The following NREP variants were observed in gnomAD, a reference collection of about 807,000 sequenced individuals.
NREP encodes the protein neuronal regeneration-related protein.
A neutral mutation model predicts 8.6 loss-of-function variants in NREP; 5 were observed. The observed-to-expected ratio is 0.58, with a 90% CI of 0.30 to 1.22. The LOEUF (loss-of-function observed/expected upper bound fraction) is 1.22, where lower values mean the gene tolerates loss of function less well. Ranked by LOEUF, NREP falls within the 50% of genes most tolerant of loss-of-function variation. NREP has a pLI of 0.07. For missense variants in NREP, 86 were observed against 82.5 expected (o/e 1.04, Z -0.17); for synonymous variants, 27 against 28.0 (o/e 0.96, Z 0.11).
chr5:111,888,464 T>C (rs993051337), intron 2 of NREP, among the ~76,000 whole-genome samples: 1 of 151,986 alleles, frequency 6.6e-6, no homozygotes, highest in Non-Finnish European at 1.5e-5. Flanking sequence ...TATAAAACCA[T>C]CAGATCTCAT....
At chr5:111,852,281 T>C (rs1753329097) in intron 2 of NREP, among the ~76,000 whole-genome samples, 1 of 54,202 alleles carries the variant, frequency 1.8e-5, no homozygotes, top group African/African-American at 3.5e-5. Flanking sequence ...GTATAGTCTA[T>C]TTTTTTGTAT....
chr5:111,941,092 C>A (rs1486298558), intron 2 of NREP, among the ~76,000 whole-genome samples: 1 of 151,968 alleles, frequency 6.6e-6, no homozygotes, highest in Non-Finnish European at 1.5e-5. Context: ...ACTATGGGAT[C>A]CCAGAAATCT....
chr5:111,926,618 C>T (rs915238623), intron 2 of NREP, among the ~76,000 whole-genome samples: 9 of 152,044 alleles, frequency 5.9e-5, no homozygotes, highest in African/African-American at 9.7e-5. Flanking sequence ...GCCACTTTTT[C>T]TTCAGAGTCT....
chr5:111,786,189 T>C (rs1375913929), intron 2 of NREP, among the ~76,000 whole-genome samples: 1 of 152,196 alleles, frequency 6.6e-6, no homozygotes, highest in Non-Finnish European at 1.5e-5. Flanking sequence ...CAAGATCCAA[T>C]GGTTTTATAA....
intron 2 of NREP, among the ~76,000 whole-genome samples, chr5:111,827,100 T>C (rs974649282): frequency 6.6e-6 from 1 of 152,242 alleles, no homozygotes; most frequent in Non-Finnish European, 1.5e-5. Context: ...AACACTAATT[T>C]TGATTGCTTG....
intron 2 of NREP, among the ~76,000 whole-genome samples, chr5:111,877,580 GCAAAT>G (rs751305855): frequency 6.6e-6 from 1 of 152,162 alleles, no homozygotes; most frequent in Non-Finnish European, 1.5e-5. Context: ...CATGAACTGG[GCAAAT>G]GGAAATGAAA....
intron 2 of NREP, among the ~76,000 whole-genome samples, chr5:111,755,120 A>C (rs1750618416): frequency 1.3e-5 from 2 of 152,096 alleles, no homozygotes; most frequent in African/African-American, 4.8e-5. Flanking sequence ...TGTTTCCTTA[A>C]TCAGTAATCA....
intron 2 of NREP, among the ~76,000 whole-genome samples, chr5:111,906,295 T>C (rs1754776360): frequency 6.6e-6 from 1 of 151,382 alleles, no homozygotes; most frequent in African/African-American, 2.4e-5. Flanking sequence ...AAAAGATCAA[T>C]ATTTTTATAG....
chr5:111,866,608 C>T (rs531732010), intron 2 of NREP, among the ~76,000 whole-genome samples: 7 of 152,170 alleles, frequency 4.6e-5, no homozygotes, highest in African/African-American at 1.7e-4. Context: ...GGATCTAGAA[C>T]TAGAAATACC....
chr5:111,921,280 G>A (rs982317733), intron 2 of NREP, among the ~76,000 whole-genome samples: 6 of 152,054 alleles, frequency 3.9e-5, no homozygotes, highest in Admixed American at 2.6e-4. Flanking sequence ...ACAGCAGCTA[G>A]CGTTCCTCCT....
chr5:111,824,019 T>C (rs180686824), intron 2 of NREP, among the ~76,000 whole-genome samples: 38 of 152,200 alleles, frequency 2.5e-4, no homozygotes, highest in African/African-American at 8.7e-4. Context: ...TTAATACTGA[T>C]TTTTCTAGAA....
chr5:111,880,465 T>G (rs1168242389), intron 2 of NREP, among the ~76,000 whole-genome samples: 2 of 152,170 alleles, frequency 1.3e-5, no homozygotes, highest in African/African-American at 4.8e-5. Context: ...GGCTTGCAGA[T>G]GGCATGGCTA....
intron 2 of NREP, among the ~76,000 whole-genome samples, chr5:111,960,230 G>A (rs915446375): frequency 2.6e-5 from 4 of 152,072 alleles, no homozygotes; most frequent in African/African-American, 9.7e-5. Flanking sequence ...ATCTTCAATT[G>A]TTTTTCTGAA....
At chr5:111,731,456 G>A (rs1748565539) in intron 3 of NREP, among the ~76,000 whole-genome samples, 1 of 151,362 alleles carries the variant, frequency 6.6e-6, no homozygotes, top group Non-Finnish European at 1.5e-5. Flanking sequence ...GAGTCCAGTG[G>A]GTGTGATGAA....
chr5:111,758,070 CAA>C (rs1041499413), upstream of NREP: 22 of 985,462 alleles, frequency 2.2e-5, no homozygotes, highest in African/African-American at 8.7e-5. Context: ...CTCAGACACA[CAA>C]AGAGTCCGCG....
At chr5:111,854,343 C>T (rs1209748371) in intron 2 of NREP, among the ~76,000 whole-genome samples, 4 of 152,272 alleles carry the variant, frequency 2.6e-5, no homozygotes, top group African/African-American at 7.2e-5. Context: ...CTTTCCTTGG[C>T]TCTGTCAGGG....
chr5:111,801,159 T>C (rs1751996089), intron 2 of NREP, among the ~76,000 whole-genome samples: 2 of 152,214 alleles, frequency 1.3e-5, no homozygotes, highest in African/African-American at 4.8e-5. Flanking sequence ...AAGATTTACA[T>C]ACATATCAAA....
In NREP at chr5:111,774,910, T is replaced by C. The variant is rs571998838; in HGVS notation, c.136-39403A>G. Among the ~76,000 whole-genome samples the C allele has an allele frequency of 3.9e-5, 6 of 152,296 alleles. No individual in the cohort carries two copies. The South Asian group carries it at 1.0e-3, about 26-fold the overall frequency. On this transcript the variant is annotated intron_variant, in intron 2 of 3. Coordinates refer to the NREP transcript ENST00000395634. ...TCTTTATTGCTAAATTTGTGGTAAT[T>C]GGTTATGGTTAAGAAGAGAAAACTG...
intron 2 of NREP, among the ~76,000 whole-genome samples, chr5:111,878,850 C>G (rs1015320251): frequency 1.3e-5 from 2 of 152,144 alleles, no homozygotes; most frequent in East Asian, 3.9e-4. Context: ...GATCATGGCA[C>G]TCCATTCATG....
Sources: gnomAD v4.1 joint callset for allele counts (sites outside exome capture counted in the v4.1 genomes callset) on GRCh38, gnomAD v4.1.1 for gene constraint, MANE v1.5 for transcripts, NCBI Gene and HGNC (gene_info 2026-07-23, HGNC 2026-07-21) for gene names.